Variants in PCDH7 observed in about 807,000 individuals in gnomAD.
The protein encoded by PCDH7 is protocadherin 7.
Under a neutral mutation model 58.9 loss-of-function variants are expected in PCDH7, and 17 were observed. The ratio of observed to expected loss-of-function variants is 0.29; its 90% CI spans 0.20 to 0.43. The LOEUF (loss-of-function observed/expected upper bound fraction) is 0.43, where lower values mean the gene tolerates loss of function less well. Among genes scored for constraint, PCDH7 ranks in the 20% least tolerant of loss-of-function variants. PCDH7 has a pLI of 1.00. For synonymous variants in PCDH7, 664 were observed against 616.4 expected (o/e 1.08, Z -1.14); for missense variants, 1,274 against 1,441.0 (o/e 0.88, Z 1.88).
chr4:31,048,933 TATG>T (rs1756514751), intron 3 of PCDH7, among the ~76,000 whole-genome samples: 1 of 152,058 alleles, frequency 6.6e-6, no homozygotes, highest in Non-Finnish European at 1.5e-5. Flanking sequence ...CAAAGACAAA[TATG>T]ATGATATGTA....
chr4:30,938,795 T>C (rs1289257386), intron 2 of PCDH7, among the ~76,000 whole-genome samples: 2 of 152,116 alleles, frequency 1.3e-5, no homozygotes, highest in African/African-American at 4.8e-5. Context: ...TATTTTCTTT[T>C]ATTACTCAAC....
At chr4:30,732,185 A>T (rs1042330779) in exon 2 of PCDH7, 1 of 152,214 alleles carries the variant, frequency 6.6e-6, no homozygotes, top group Non-Finnish European at 1.5e-5. Flanking sequence ...CACTGCAAGT[A>T]CAGTAAGATT....
chr4:30,959,431 C>G (rs1215403125), intron 3 of PCDH7, among the ~76,000 whole-genome samples: 3 of 152,002 alleles, frequency 2.0e-5, no homozygotes, highest in African/African-American at 7.2e-5. Context: ...TGAATTATAT[C>G]TTTTTAGAAA....
rs1189015645 is a variant in PCDH7 at position 31,112,600 on chromosome 4, G to A, written c.*8-29873G>A. On this transcript the variant is annotated intron_variant, in intron 3 of 3. Transcript: ENST00000509759. ...GGATGAACAGGAATCTCAAATCCAA[G>A]AAGCAAAGCCTCTCTGTTGTTTACA... Among the ~76,000 whole-genome samples, 10 of 152,190 alleles carry A rather than the reference G, an allele frequency of 6.6e-5. No homozygotes were observed. The South Asian group carries it at 2.1e-3, about 32-fold the overall frequency.
chr4:31,020,401 C>T (rs577273423), intron 3 of PCDH7, among the ~76,000 whole-genome samples: 1 of 152,256 alleles, frequency 6.6e-6, no homozygotes, highest in South Asian at 2.1e-4. Context: ...TTCACCCTTG[C>T]TATGTGTGTG....
chr4:30,743,972 C>A (rs1359145659), intron 1 of PCDH7, among the ~76,000 whole-genome samples: 3 of 152,116 alleles, frequency 2.0e-5, no homozygotes, highest in African/African-American at 7.2e-5. Flanking sequence ...CTGTACTTGG[C>A]AATCTTCCTG....
At chr4:30,853,519 C>T (rs568541768) in intron 1 of PCDH7, among the ~76,000 whole-genome samples, 4 of 152,086 alleles carry the variant, frequency 2.6e-5, no homozygotes, top group Admixed American at 1.3e-4. Context: ...AGTGTTTTAA[C>T]GTAGCAACCC....
At chr4:31,141,902 T>G (rs1029152580) in intron 3 of PCDH7, among the ~76,000 whole-genome samples, 1 of 152,180 alleles carries the variant, frequency 6.6e-6, no homozygotes, top group Non-Finnish European at 1.5e-5. Flanking sequence ...GGTTCCTTGC[T>G]TTTTAGTTTT....
chr4:30,925,342 T>G (rs1743719590), intron 2 of PCDH7, among the ~76,000 whole-genome samples: 1 of 152,144 alleles, frequency 6.6e-6, no homozygotes, highest in South Asian at 2.1e-4. Flanking sequence ...TTTTCTCCTG[T>G]CTCCCAATTT....
intron 1 of PCDH7, among the ~76,000 whole-genome samples, chr4:30,835,756 C>G (rs1730414635): frequency 6.6e-6 from 1 of 152,176 alleles, no homozygotes; most frequent in Admixed American, 6.5e-5. Context: ...AATATCCCTT[C>G]TACCTACTTC....
intron 3 of PCDH7, among the ~76,000 whole-genome samples, chr4:31,074,367 T>C (rs1758795655): frequency 6.6e-6 from 1 of 151,858 alleles, no homozygotes; most frequent in Non-Finnish European, 1.5e-5. Flanking sequence ...CATTATTATA[T>C]ACTTATATCA....
At position 30,975,023 on chromosome 4, in the gene PCDH7, A is replaced by G. The variant is rs746171383; in HGVS notation, c.*7+24808A>G. On this transcript the variant is annotated intron_variant, in intron 3 of 3. Transcript: ENST00000509759. ...ACCGTATTGTAGTTCTCTGGCTTGTAACTGTTTCCAACTGTGGAGCTGCCA... is the reference window on the plus strand; with the variant it reads ...ACCGTATTGTAGTTCTCTGGCTTGTGACTGTTTCCAACTGTGGAGCTGCCA... Among the ~76,000 whole-genome samples the G allele has an allele frequency of 2.3e-4, 35 of 152,278 alleles. 1 individual carries two copies. The highest frequency in any genetic ancestry group is 4.7e-4 in the Non-Finnish European group (32 of 68,026).
chr4:30,752,783 C>CAAAAAAAAAAAAAAAAAAAAAAAAA (rs35860745), intron 1 of PCDH7, among the ~76,000 whole-genome samples: 2 of 99,556 alleles, frequency 2.0e-5, no homozygotes, highest in African/African-American at 3.8e-5. Flanking sequence ...CCTGTAGGGG[C>CAAAAAAAAAAAAAAAAAAAAAAAAA]AAAAAAAAAA....
At chr4:30,962,104 C>T (rs1298620782) in intron 3 of PCDH7, among the ~76,000 whole-genome samples, 1 of 152,164 alleles carries the variant, frequency 6.6e-6, no homozygotes, top group East Asian at 1.9e-4. Context: ...AGCAAAAGTG[C>T]ATTTATTTAT....
intron 1 of PCDH7, among the ~76,000 whole-genome samples, chr4:30,894,356 G>T (rs1039655160): frequency 6.9e-6 from 1 of 145,628 alleles, no homozygotes; most frequent in Non-Finnish European, 1.5e-5. Flanking sequence ...ACTAGTGAAT[G>T]ATATTAATCA....
At position 30,970,708 on chromosome 4, in the gene PCDH7, A is replaced by G. The variant is rs1224706223; in HGVS notation, c.*7+20493A>G. On this transcript the variant is annotated intron_variant, in intron 3 of 3. Coordinates refer to the PCDH7 transcript ENST00000509759. Reference sequence around the variant, plus strand: ...TGTTTTTATTACTTCTAAGCAATCAACACTCTTTTACAGAATACATCACTA... The same window carrying G: ...TGTTTTTATTACTTCTAAGCAATCAGCACTCTTTTACAGAATACATCACTA... Among the ~76,000 whole-genome samples, 3 of 152,174 alleles carry G rather than the reference A, an allele frequency of 2.0e-5. No homozygotes were observed. The East Asian group carries it at 5.8e-4, about 29-fold the overall frequency.
chr4:31,098,345 A>G (rs972973082), intron 3 of PCDH7, among the ~76,000 whole-genome samples: 2 of 152,212 alleles, frequency 1.3e-5, no homozygotes. Context: ...AAAACATCAC[A>G]TATTAATAAA....
chr4:30,978,773 CTATT>C (rs1484170462), intron 3 of PCDH7, among the ~76,000 whole-genome samples: 1 of 152,098 alleles, frequency 6.6e-6, no homozygotes, highest in African/African-American at 2.4e-5. Context: ...AATACATCAA[CTATT>C]AATTAATGTA....
chr4:30,968,319 C>CACTA lies in PCDH7; in HGVS notation c.*7+18104_*7+18105insACTA, dbSNP rs369540529. Among the ~76,000 whole-genome samples, 68 of 82,570 alleles carry CACTA rather than the reference C, an allele frequency of 8.2e-4. 3 individuals carry two copies. The South Asian group carries it at 0.012, about 15-fold the overall frequency. The allele number at this position is 82,570 out of a possible 152,430, so 54.2% of individuals were successfully genotyped here. The stretch of plus-strand genomic sequence containing the variant: ...CTCTCTCTCTATATATATATATACA[C>CACTA]TATATATATATATACACACACTATA... On this transcript the variant is annotated intron_variant, in intron 3 of 3. Coordinates refer to the PCDH7 transcript ENST00000509759.
Sources: gnomAD v4.1 joint callset for allele counts (sites outside exome capture counted in the v4.1 genomes callset) on GRCh38, gnomAD v4.1.1 for gene constraint, MANE v1.5 for transcripts, NCBI Gene and HGNC (gene_info 2026-07-23, HGNC 2026-07-21) for gene names.